Variants in LEPROT observed in about 807,000 individuals in gnomAD.
LEPROT encodes the protein leptin receptor gene-related protein.
Under a neutral mutation model 15.4 loss-of-function variants are expected in LEPROT, and 3 were observed. The observed-to-expected ratio is 0.19, with a 90% CI of 0.09 to 0.50. The LOEUF is 0.50. Ranked by LOEUF, LEPROT falls within the 20% of genes least tolerant of loss-of-function variation. The pLI, the probability that LEPROT is intolerant of heterozygous loss-of-function variation, is 0.97. For missense variants in LEPROT, 137 were observed against 162.2 expected, an observed-to-expected ratio of 0.84 and a Z score of 0.84; for synonymous variants, 59 against 57.5, an observed-to-expected ratio of 1.03 and a Z score of -0.12.
intron 3 of LEPROT, among the ~76,000 whole-genome samples, chr1:65,430,631 C>G (rs1393309722): frequency 6.6e-6 from 1 of 152,150 alleles, no homozygotes; most frequent in Non-Finnish European, 1.5e-5. Flanking sequence ...CAATTACGTT[C>G]TATTTTAATT....
intron 2 of LEPROT, among the ~76,000 whole-genome samples, chr1:65,427,247 G>C (rs1302320767): frequency 1.3e-5 from 2 of 151,988 alleles, no homozygotes; most frequent in African/African-American, 4.8e-5. Context: ...CCAAAGCCCA[G>C]GGTAGTTAAA....
Position 65,432,010 on chromosome 1 carries a change from T to C in LEPROT, c.*91T>C, listed in dbSNP as rs1298651280. ...TGCGGCATTTTACTATGAAATTTAA[T>C]ATGCTGGGTTTTTTAATACCTTTAT... On this transcript the variant is annotated 3_prime_UTR_variant, in exon 4 of 4. Coordinates refer to ENST00000371065, the MANE Select transcript of LEPROT (RefSeq NM_017526.5). 6.8e-7 allele frequency: 1 copy of C among 1,481,024 alleles called. No homozygotes were observed. The allele number at this position is 1,481,024 out of a possible 1,614,324, so 91.7% of individuals were successfully genotyped here. A position where few individuals can be genotyped will look rare whatever the true frequency, so the allele number is the denominator to read the frequency against.
At chr1:65,421,428 A>G in intron 1 of LEPROT, 1 of 1,536,100 alleles carries the variant, frequency 6.5e-7, no homozygotes. Context: ...TGCGAGACGG[A>G]AAAGGTTTTT....
rs1047944827 is a variant in LEPROT, at chr1:65,433,349, A to G, written c.*1430A>G. 2.0e-6 allele frequency: 2 copies of G among 985,304 alleles called. No homozygotes were observed. Among genetic ancestry groups the G allele is most frequent in the Admixed American group, 6.2e-5 (1 of 16,260 alleles). The allele number at this position is 985,304 out of a possible 1,614,324, so 61.0% of individuals were successfully genotyped here. On this transcript the variant is annotated 3_prime_UTR_variant, in exon 4 of 4. Transcript: ENST00000371065. The stretch of plus-strand genomic sequence containing the variant: ...TTCTATATAACTTTATGCCACCCTT[A>G]AATGAATCATTGGGTATACCTGTCA...
Position 65,425,286 on chromosome 1 carries a change from G to C in LEPROT, c.17-17G>C, listed in dbSNP as rs1229741317. 1.2e-6 allele frequency: 2 copies of C among 1,611,122 alleles called. No individual in the cohort carries two copies. The highest frequency in any genetic ancestry group is 2.2e-5 in the South Asian group (2 of 90,514). On this transcript the variant is annotated splice_polypyrimidine_tract_variant and intron_variant, in intron 1 of 3. Transcript: ENST00000371065. ...CTCTACTGTGGGAACTTTAACTTTT[G>C]GCTTTATTTTTCACAGCTCTCGTGG...
Position 65,435,951 on chromosome 1 carries a change from A to G in LEPROT, c.*4032A>G. The G allele has an allele frequency of 1.0e-6, 1 of 985,318 alleles. No individual in the cohort carries two copies. Among genetic ancestry groups the G allele is most frequent in the Non-Finnish European group, 1.2e-6 (1 of 829,808 alleles). 61.0% of individuals were successfully genotyped at this position (985,318 alleles called of 1,614,324 possible). A position where few individuals can be genotyped will look rare whatever the true frequency, so the allele number is the denominator to read the frequency against. ...GTACAACAGTGATACATGTAACCCC[A>G]AATGTGATGTGAGAGGACGATTACT... On this transcript the variant is annotated 3_prime_UTR_variant, in exon 4 of 4. Transcript: ENST00000371065.
chr1:65,425,549 C>T (rs775712947), intron 2 of LEPROT, among the ~76,000 whole-genome samples, 171 bp downstream of exon 2: 13 of 152,320 alleles, frequency 8.5e-5, no homozygotes, highest in Non-Finnish European at 1.5e-4. Context: ...GCAGAGGGCT[C>T]TGTTAAAAAT....
chr1:65,423,581 C>T (rs1646296972), intron 1 of LEPROT, among the ~76,000 whole-genome samples: 1 of 152,128 alleles, frequency 6.6e-6, no homozygotes, highest in Non-Finnish European at 1.5e-5. Context: ...ATTTGCTTTC[C>T]ATCCACACAT....
rs1298792899 is a variant in LEPROT, at chr1:65,432,706, T to C, written c.*787T>C. 1.1e-6 allele frequency: 1 copy of C among 883,466 alleles called. No homozygotes were observed. Among genetic ancestry groups the C allele is most frequent in the Non-Finnish European group, 1.4e-6 (1 of 737,234 alleles). 54.7% of individuals were successfully genotyped at this position (883,466 alleles called of 1,614,324 possible). On this transcript the variant is annotated 3_prime_UTR_variant, in exon 4 of 4. Coordinates refer to ENST00000371065, the MANE Select transcript of LEPROT (RefSeq NM_017526.5). ...ACAGTCAAAGGGTACAAAGCCTCAG[T>C]TAGGAGGAATAAGTGTGATTTTTTT... is the stretch of plus-strand genomic sequence containing the variant.
intron 3 of LEPROT, among the ~76,000 whole-genome samples, chr1:65,430,731 A>G (rs771201765): frequency 6.6e-6 from 1 of 151,698 alleles, no homozygotes; most frequent in Non-Finnish European, 1.5e-5. Context: ...GCTACTTGTA[A>G]AACACCAGAA....
rs543595063 is a variant in LEPROT, at chr1:65,435,095, G to T, written c.*3176G>T. ...AGAAAGATTCCAGCAGCTTATAGAA[G>T]GATAGCAATATTTTGGGACAGGGAA... On this transcript the variant is annotated 3_prime_UTR_variant, in exon 4 of 4. Coordinates refer to ENST00000371065, the MANE Select transcript of LEPROT (RefSeq NM_017526.5). The T allele has an allele frequency of 2.0e-4, 201 of 985,412 alleles. No homozygotes were observed. The highest frequency in any genetic ancestry group is 2.4e-4 in the Non-Finnish European group (196 of 829,960). The allele number at this position is 985,412 out of a possible 1,614,324, so 61.0% of individuals were successfully genotyped here. A position where few individuals can be genotyped will look rare whatever the true frequency, so the allele number is the denominator to read the frequency against.
At chr1:65,427,854 T>G in intron 2 of LEPROT, 1 of 318,934 alleles carries the variant, frequency 3.1e-6, no homozygotes, top group Non-Finnish European at 6.4e-6. Flanking sequence ...TTGCTCAGGC[T>G]GGTCTTGAAC....
At position 65,434,645 on chromosome 1, in the gene LEPROT, C is replaced by A. The variant is rs1646533832; in HGVS notation, c.*2726C>A. ...TGAGTAGTTTGGAGGAAGGACAGTG[C>A]AACTTTCCACCCCTTTTCCTAAGAA... On this transcript the variant is annotated 3_prime_UTR_variant, in exon 4 of 4. Transcript: ENST00000371065. 1 of 985,268 alleles carries A rather than the reference C, an allele frequency of 1.0e-6. No individual in the cohort carries two copies. The highest frequency in any genetic ancestry group is 1.2e-6 in the Non-Finnish European group (1 of 829,934). 61.0% of individuals were successfully genotyped at this position (985,268 alleles called of 1,614,324 possible).
chr1:65,427,144 CA>C (rs1308232855), intron 2 of LEPROT, among the ~76,000 whole-genome samples: 4 of 152,188 alleles, frequency 2.6e-5, no homozygotes, highest in African/African-American at 9.7e-5. Flanking sequence ...TATAAGCGGT[CA>C]CTTATATTTG....
chr1:65,433,244 G>C lies in LEPROT; in HGVS notation c.*1325G>C, dbSNP rs1389960380. 2.0e-6 allele frequency: 2 copies of C among 985,104 alleles called. No homozygotes were observed. Among genetic ancestry groups the C allele is most frequent in the East Asian group, 2.3e-4 (2 of 8,796 alleles). 61.0% of individuals were successfully genotyped at this position (985,104 alleles called of 1,614,324 possible). On this transcript the variant is annotated 3_prime_UTR_variant, in exon 4 of 4. Coordinates refer to ENST00000371065, the MANE Select transcript of LEPROT (RefSeq NM_017526.5). ...TCTGGCTTCTTCCCGAAGAGATATAGGAGCCATGTAAGCACGCAGTGGGTG... is the reference window on the plus strand; with the variant it reads ...TCTGGCTTCTTCCCGAAGAGATATACGAGCCATGTAAGCACGCAGTGGGTG...
intron 1 of LEPROT, among the ~76,000 whole-genome samples, chr1:65,421,890 A>G (rs956104326): frequency 6.6e-6 from 1 of 152,218 alleles, no homozygotes; most frequent in East Asian, 1.9e-4. Flanking sequence ...CTGAAATGGA[A>G]ACGGACTAAG....
In LEPROT at chr1:65,433,948, T is replaced by A; in HGVS notation, c.*2029T>A. 2 of 985,064 alleles carry A rather than the reference T, an allele frequency of 2.0e-6. No homozygotes were observed. Among genetic ancestry groups the A allele is most frequent in the Non-Finnish European group, 2.4e-6 (2 of 829,596 alleles). 61.0% of individuals were successfully genotyped at this position (985,064 alleles called of 1,614,324 possible). Reference sequence around the variant, plus strand: ...AGTAGCAATAAGTTTTAGGATACCATCTTGAATGTCTAGTTGGTGTGCAAT... The same window carrying A: ...AGTAGCAATAAGTTTTAGGATACCAACTTGAATGTCTAGTTGGTGTGCAAT... On this transcript the variant is annotated 3_prime_UTR_variant, in exon 4 of 4. Coordinates refer to ENST00000371065, the MANE Select transcript of LEPROT (RefSeq NM_017526.5).
chr1:65,432,648 C>T lies in LEPROT; in HGVS notation c.*729C>T, dbSNP rs9436742. On this transcript the variant is annotated 3_prime_UTR_variant, in exon 4 of 4. Coordinates refer to ENST00000371065, the MANE Select transcript of LEPROT (RefSeq NM_017526.5). ...AGCCTATAATATTTAGGCAGTTCCT[C>T]AAATTTATGAAAAGTGTTCTCAGAA... 4,695 of 984,508 alleles carry T rather than the reference C, an allele frequency of 4.8e-3. 187 individuals carry two copies. In the African/African-American group the frequency reaches 0.075, roughly 16 times the overall value. 61.0% of individuals were successfully genotyped at this position (984,508 alleles called of 1,614,324 possible).
rs1250620819 is a variant in LEPROT, at chr1:65,432,297, C to T, written c.*378C>T. On this transcript the variant is annotated 3_prime_UTR_variant, in exon 4 of 4. Transcript: ENST00000371065. ...CAGGCCTCTCATGACCCAGGAAGGC[C>T]GGGGTGGATCCCTCTTTGTGTTGTA... 14 of 994,512 alleles carry T rather than the reference C, an allele frequency of 1.4e-5. No homozygotes were observed. The highest frequency in any genetic ancestry group is 1.7e-5 in the Non-Finnish European group (14 of 836,066). The allele number at this position is 994,512 out of a possible 1,614,324, so 61.6% of individuals were successfully genotyped here.
Sources: gnomAD v4.1 joint callset for allele counts (sites outside exome capture counted in the v4.1 genomes callset) on GRCh38, gnomAD v4.1.1 for gene constraint, MANE v1.5 for transcripts, NCBI Gene and HGNC (gene_info 2026-07-23, HGNC 2026-07-21) for gene names.